INTS9: variants seen among roughly 807,000 people sequenced by gnomAD.
The protein encoded by INTS9 is integrator complex subunit 9.
In INTS9, 55 loss-of-function variants were observed where a neutral mutation model predicts 79.7. The observed-to-expected ratio is 0.69, with a 90% CI of 0.56 to 0.86. The LOEUF (loss-of-function observed/expected upper bound fraction) is 0.86, where lower values mean the gene tolerates loss of function less well. Among genes scored for constraint, INTS9 ranks in the 40% least tolerant of loss-of-function variants. The pLI is 0.00. For synonymous variants in INTS9, 319 were observed against 325.2 expected (o/e 0.98, Z 0.20); for missense variants, 721 against 831.5 (o/e 0.87, Z 1.64).
intron 2 of INTS9, among the ~76,000 whole-genome samples, chr8:28,857,782 C>A (rs1350049011): frequency 3.3e-5 from 5 of 152,064 alleles, no homozygotes; most frequent in African/African-American, 9.7e-5. Context: ...ATGAAACTTA[C>A]ATGTAGTGGA....
chr8:28,781,188 A>G (rs1335513625), intron 11 of INTS9, among the ~76,000 whole-genome samples, 194 bp from the exon 12 acceptor site: 1 of 152,218 alleles, frequency 6.6e-6, no homozygotes, highest in Non-Finnish European at 1.5e-5. Flanking sequence ...CCGAAACCTC[A>G]GCAAAAAGAA....
intron 1 of INTS9, among the ~76,000 whole-genome samples, chr8:28,866,608 C>T (rs964029962): frequency 6.6e-6 from 1 of 152,138 alleles, no homozygotes; most frequent in Non-Finnish European, 1.5e-5. Flanking sequence ...TCTTGAAATA[C>T]GCATTTTGAA....
chr8:28,788,297 G>A (rs1803728545), intron 10 of INTS9, among the ~76,000 whole-genome samples: 1 of 152,120 alleles, frequency 6.6e-6, no homozygotes, highest in Admixed American at 6.5e-5. Context: ...GATTTCACTA[G>A]TTTTTCCAAT....
chr8:28,875,503 C>T lies in INTS9; in HGVS notation c.9+14371G>A, dbSNP rs183146024. ...GCATTCATCTTTTTTTTTCTTTCAA[C>T]TTTTAAGCTCAAGGGTACATGTATA... On this transcript the variant is annotated intron_variant, in intron 1 of 16. Transcript: ENST00000521022. Among the ~76,000 whole-genome samples the T allele has an allele frequency of 5.5e-4, 84 of 151,976 alleles. 1 individual carries two copies. The highest frequency in any genetic ancestry group is 3.1e-4 in the Non-Finnish European group (21 of 67,966).
At chr8:28,795,638 TCAAAAAAAAA>T (rs1804168540) in intron 9 of INTS9, among the ~76,000 whole-genome samples, 2 of 41,206 alleles carry the variant, frequency 4.9e-5, no homozygotes, top group African/African-American at 2.3e-4. Context: ...AGACTCCGTC[TCAAAAAAAAA>T]AAAAAAAAAA....
intron 6 of INTS9, among the ~76,000 whole-genome samples, chr8:28,814,284 TCACACACACA>T (rs60850682): frequency 0.026 from 3,554 of 134,284 alleles, 59 homozygotes; most frequent in Admixed American, 0.041. Flanking sequence ...ACAGGGCTTC[TCACACACACA>T]CACACACACA....
At chr8:28,844,693 G>A (rs1404115069) in intron 4 of INTS9, among the ~76,000 whole-genome samples, 2 of 152,084 alleles carry the variant, frequency 1.3e-5, no homozygotes, top group Non-Finnish European at 2.9e-5. Flanking sequence ...GTGGGCACCT[G>A]TAATCCCAGC....
intron 14 of INTS9, among the ~76,000 whole-genome samples, chr8:28,771,915 T>C (rs1000574053): frequency 1.3e-5 from 2 of 152,054 alleles, no homozygotes; most frequent in African/African-American, 4.8e-5. Flanking sequence ...GGCTGGAGTG[T>C]GGTGGTGTGA....
chr8:28,807,553 C>A (rs1804878968), intron 8 of INTS9, among the ~76,000 whole-genome samples: 1 of 152,070 alleles, frequency 6.6e-6, no homozygotes, highest in African/African-American at 2.4e-5. Context: ...AGATTTATCC[C>A]AGGAATATTG....
chr8:28,800,315 C>T (rs568580605), intron 8 of INTS9, among the ~76,000 whole-genome samples: 6 of 152,098 alleles, frequency 3.9e-5, no homozygotes, highest in African/African-American at 1.4e-4. Context: ...CTGCAGGAGG[C>T]GGGAGGGCAT....
At chr8:28,812,653 G>A (rs1805220381) in intron 7 of INTS9, among the ~76,000 whole-genome samples, 192 bp from the exon 8 acceptor site, 1 of 152,206 alleles carries the variant, frequency 6.6e-6, no homozygotes, top group African/African-American at 2.4e-5. Flanking sequence ...AGGAGTTCAA[G>A]ACCAGCCTGG....
intron 9 of INTS9, among the ~76,000 whole-genome samples, chr8:28,795,760 C>T (rs889353414): frequency 2.0e-5 from 3 of 151,788 alleles, no homozygotes; most frequent in East Asian, 1.9e-4. Flanking sequence ...CATGCTGGCA[C>T]GCTAATCTCA....
intron 14 of INTS9, among the ~76,000 whole-genome samples, chr8:28,772,261 A>G (rs1439385189): frequency 2.0e-5 from 3 of 152,232 alleles, no homozygotes; most frequent in Admixed American, 1.3e-4. Context: ...GCGGTGGCTC[A>G]CGCCTGTAAT....
chr8:28,794,242 A>G (rs867176907), intron 9 of INTS9, among the ~76,000 whole-genome samples: 39 of 152,186 alleles, frequency 2.6e-4, no homozygotes, highest in African/African-American at 5.5e-4. Context: ...GTTTTTACCA[A>G]TGGCAGCTGA....
At chr8:28,841,671 C>T (rs888141742) in intron 4 of INTS9, among the ~76,000 whole-genome samples, 17 of 152,166 alleles carry the variant, frequency 1.1e-4, no homozygotes, top group African/African-American at 4.1e-4. Context: ...CAAAACTTAA[C>T]TACTAATAGC....
At chr8:28,848,286 A>G (rs1807643444) in intron 3 of INTS9, among the ~76,000 whole-genome samples, 1 of 152,236 alleles carries the variant, frequency 6.6e-6, no homozygotes, top group South Asian at 2.1e-4. Context: ...CTCAACATAT[A>G]TTGTACATAT....
At position 28,770,039 on chromosome 8, in the gene INTS9, GAA is replaced by G; in HGVS notation, c.1663-15_1663-14del. 3 of 1,612,800 alleles carry G rather than the reference GAA, an allele frequency of 1.9e-6. No individual in the cohort carries two copies. Among genetic ancestry groups the G allele is most frequent in the East Asian group, 2.2e-5 (1 of 44,872 alleles). On this transcript the variant is annotated splice_polypyrimidine_tract_variant and intron_variant, in intron 15 of 16. Coordinates refer to ENST00000521022, the MANE Select transcript of INTS9 (RefSeq NM_018250.4). Reference sequence around the variant, plus strand: ...GCCGAGGAGGGGGCTAGAGCAGAAGGAAAGAGTGGCTTTCATGAGCTTCCTCT... The same window carrying G: ...GCCGAGGAGGGGGCTAGAGCAGAAGGAGAGTGGCTTTCATGAGCTTCCTCT...
chr8:28,830,088 A>C (rs1806390390), intron 6 of INTS9, among the ~76,000 whole-genome samples: 2 of 152,150 alleles, frequency 1.3e-5, no homozygotes, highest in African/African-American at 4.8e-5. Flanking sequence ...CAGAGAAGAC[A>C]GATAGAGGCT....
At chr8:28,854,335 A>G (rs753338266) in intron 2 of INTS9, among the ~76,000 whole-genome samples, 1 of 152,170 alleles carries the variant, frequency 6.6e-6, no homozygotes, top group Non-Finnish European at 1.5e-5. Flanking sequence ...AGAGTTTGCA[A>G]TCTAGTATAG....
Sources: allele counts gnomAD v4.1 joint callset (sites outside exome capture counted in the v4.1 genomes callset), GRCh38; gene constraint gnomAD v4.1.1; transcripts MANE v1.5; gene names NCBI Gene and HGNC (gene_info 2026-07-23, HGNC 2026-07-21).